The following MYO3A variants were observed in gnomAD, a reference collection of about 807,000 sequenced individuals.
The protein encoded by MYO3A is myosin-IIIa.
MYO3A carries 180 observed loss-of-function variants against 192.7 expected under a neutral mutation model. That is an observed-to-expected ratio of 0.93 (90% confidence interval 0.83 to 1.06). MYO3A has a LOEUF of 1.06. Among genes scored for constraint, MYO3A ranks in the 50% least tolerant of loss-of-function variants. The pLI is 0.00. For missense variants in MYO3A, 1,896 were observed against 1,905.0 expected, an observed-to-expected ratio of 1.00 and a Z score of 0.09; for synonymous variants, 628 against 645.3, an observed-to-expected ratio of 0.97 and a Z score of 0.41.
chr10:25,937,100 C>A (rs921227912), intron 2 of MYO3A, among the ~76,000 whole-genome samples: 1 of 151,948 alleles, frequency 6.6e-6, no homozygotes, highest in Admixed American at 6.6e-5. Flanking sequence ...ATTTACTTAC[C>A]GGTATTTTCA....
chr10:26,112,257 C>A (rs1046258736), intron 17 of MYO3A, among the ~76,000 whole-genome samples: 1 of 152,144 alleles, frequency 6.6e-6, no homozygotes, highest in African/African-American at 2.4e-5. Context: ...GGATCTGAAG[C>A]ACAACCACTG....
At chr10:26,002,622 C>CTAGGTAATCGGAATGAGT (rs1840903559) in intron 6 of MYO3A, among the ~76,000 whole-genome samples, 1 of 150,680 alleles carries the variant, frequency 6.6e-6, no homozygotes, top group African/African-American at 2.4e-5. Context: ...TCAGGGTGGA[C>CTAGGTAATCGGAATGAGT]CAGGTAATCG....
At chr10:26,065,606 A>AT (rs1564513240) in intron 10 of MYO3A, among the ~76,000 whole-genome samples, 3 of 43,840 alleles carry the variant, frequency 6.8e-5, no homozygotes, top group East Asian at 3.6e-4. Context: ...AAAAAAAAAA[A>AT]AAAAAAAGTA....
At chr10:26,163,319 A>G (rs1474127238) in intron 26 of MYO3A, among the ~76,000 whole-genome samples, 2 of 152,240 alleles carry the variant, frequency 1.3e-5, no homozygotes, top group African/African-American at 2.4e-5. Flanking sequence ...TGGGACATCC[A>G]TAGAGACTTT....
intron 10 of MYO3A, among the ~76,000 whole-genome samples, chr10:26,036,050 C>T (rs1843017945): frequency 6.6e-6 from 1 of 152,052 alleles, no homozygotes; most frequent in African/African-American, 2.4e-5. Context: ...TCTCCTGCCT[C>T]AGCCTCCCAA....
At chr10:25,941,814 AT>A (rs1360895902) in intron 2 of MYO3A, among the ~76,000 whole-genome samples, 2 of 152,090 alleles carry the variant, frequency 1.3e-5, no homozygotes, top group African/African-American at 4.8e-5. Flanking sequence ...TTGTCTTTGA[AT>A]TTGACTATTT....
intron 10 of MYO3A, among the ~76,000 whole-genome samples, chr10:26,061,451 C>A (rs1834472914): frequency 7.6e-6 from 1 of 131,270 alleles, no homozygotes; most frequent in South Asian, 2.6e-4. Context: ...TAGAATTTTG[C>A]TGAGCATGGA....
At chr10:25,990,672 C>A (rs1265193993) in intron 4 of MYO3A, among the ~76,000 whole-genome samples, 1 of 126,138 alleles carries the variant, frequency 7.9e-6, no homozygotes, top group Non-Finnish European at 1.6e-5. Context: ...TCCCCCCACC[C>A]CACAACAGGC....
chr10:26,156,240 A>T (rs1483492599), intron 25 of MYO3A, among the ~76,000 whole-genome samples: 3 of 152,204 alleles, frequency 2.0e-5, no homozygotes, highest in Non-Finnish European at 4.4e-5. Context: ...AAGCCATGCA[A>T]ATTCAGAGCT....
chr10:26,019,482 A>G (rs1842184428), intron 7 of MYO3A, among the ~76,000 whole-genome samples: 1 of 151,988 alleles, frequency 6.6e-6, no homozygotes, highest in Non-Finnish European at 1.5e-5. Context: ...ACGCCTGGCT[A>G]ATTTTTTATA....
intron 6 of MYO3A, among the ~76,000 whole-genome samples, chr10:26,009,386 TAATAA>T (rs962217415): frequency 3.0e-4 from 46 of 151,940 alleles, no homozygotes; most frequent in Non-Finnish European, 5.7e-4. Context: ...AGTATAATAA[TAATAA>T]AATAAATTTT....
chr10:26,094,717 C>T (rs1219270419), intron 15 of MYO3A, among the ~76,000 whole-genome samples: 2 of 152,168 alleles, frequency 1.3e-5, no homozygotes, highest in African/African-American at 4.8e-5. Context: ...AGCCACCGCA[C>T]GCGGCAAGAA....
At position 25,955,225 on chromosome 10, in the gene MYO3A, C is replaced by A. The variant is rs192032476; in HGVS notation, c.303+217C>A. On this transcript the variant is annotated intron_variant, in intron 4 of 34. Transcript: ENST00000642920. Reference sequence around the variant, plus strand: ...ACTAGTAAATATTAAAAAGAAATGACTCCACAATAAAAGACCAAATAAACT... The same window carrying A: ...ACTAGTAAATATTAAAAAGAAATGAATCCACAATAAAAGACCAAATAAACT... Among the ~76,000 whole-genome samples the A allele has an allele frequency of 8.8e-4, 134 of 152,162 alleles. 2 individuals carry two copies. In the Middle Eastern group the frequency reaches 0.037, roughly 42 times the overall value.
chr10:26,147,285 G>A (rs1840525720), intron 22 of MYO3A, 145 bp from the exon 23 acceptor site: 1 of 745,780 alleles, frequency 1.3e-6, no homozygotes, highest in Admixed American at 2.1e-5. Context: ...GATGATAAGG[G>A]GCTACCTTAG....
At chr10:26,210,748 T>C (rs1183623278) in intron 34 of MYO3A, among the ~76,000 whole-genome samples, 3 of 152,170 alleles carry the variant, frequency 2.0e-5, no homozygotes, top group Non-Finnish European at 4.4e-5. Context: ...CTCTTGCTAT[T>C]TCCCCCTCTC....
At chr10:26,147,661 T>C (rs1490997281) in intron 23 of MYO3A, 102 bp downstream of exon 23, 2 of 1,527,618 alleles carry the variant, frequency 1.3e-6, no homozygotes, top group South Asian at 1.1e-5. Context: ...CATGTGAGTT[T>C]GTTTTCGGCT....
At chr10:25,950,513 T>C (rs1337573244) in intron 2 of MYO3A, among the ~76,000 whole-genome samples, 1 of 152,190 alleles carries the variant, frequency 6.6e-6, no homozygotes, top group Non-Finnish European at 1.5e-5. Flanking sequence ...TGTGTTATCC[T>C]GAATTTTAAG....
chr10:25,970,540 T>G (rs968405676), intron 4 of MYO3A, among the ~76,000 whole-genome samples: 1 of 151,338 alleles, frequency 6.6e-6, no homozygotes, highest in African/African-American at 2.4e-5. Flanking sequence ...TTAATAAAAT[T>G]GAAGCAAATT....
At chr10:26,009,507 T>C (rs1193461680) in intron 6 of MYO3A, among the ~76,000 whole-genome samples, 1 of 152,226 alleles carries the variant, frequency 6.6e-6, no homozygotes, top group African/African-American at 2.4e-5. Context: ...GACTGCTTGC[T>C]GCCTCCTACT....
Sources: gnomAD v4.1 joint callset for allele counts (sites outside exome capture counted in the v4.1 genomes callset) on GRCh38, gnomAD v4.1.1 for gene constraint, MANE v1.5 for transcripts, NCBI Gene and HGNC (gene_info 2026-07-23, HGNC 2026-07-21) for gene names.